The following HENMT1 variants were observed in gnomAD, a reference collection of about 807,000 sequenced individuals.
The protein encoded by HENMT1 is small RNA 2'-O-methyltransferase.
Under a neutral mutation model 31.1 loss-of-function variants are expected in HENMT1, and 27 were observed. The observed-to-expected ratio is 0.87, with a 90% CI of 0.64 to 1.20. HENMT1 has a LOEUF of 1.20. Ranked by LOEUF, HENMT1 falls within the 50% of genes most tolerant of loss-of-function variation. HENMT1 has a pLI of 0.00. For synonymous variants in HENMT1, 167 were observed against 172.2 expected, an observed-to-expected ratio of 0.97 and a Z score of 0.24; for missense variants, 438 against 469.6, an observed-to-expected ratio of 0.93 and a Z score of 0.62.
intron 3 of HENMT1, among the ~76,000 whole-genome samples, chr1:108,657,153 G>A (rs1378353178): frequency 6.6e-6 from 1 of 152,062 alleles, no homozygotes; most frequent in Admixed American, 6.6e-5. Context: ...TCTTCCCCCA[G>A]GGCCCTGCAC....
chr1:108,656,377 G>A (rs1048666929), intron 3 of HENMT1, among the ~76,000 whole-genome samples: 4 of 152,110 alleles, frequency 2.6e-5, no homozygotes, highest in Admixed American at 6.5e-5. Context: ...CACCTTACCC[G>A]CATCTAATTC....
At chr1:108,649,097 T>G in intron 7 of HENMT1, 106 bp from the exon 8 acceptor site, 1 of 829,284 alleles carries the variant, frequency 1.2e-6, no homozygotes, top group Non-Finnish European at 1.8e-6. Flanking sequence ...AATGTACATA[T>G]TGAATATATG....
intron 4 of HENMT1, 63 bp downstream of exon 4, chr1:108,655,523 C>A: frequency 1.1e-6 from 1 of 951,680 alleles, no homozygotes. Context: ...AACACTTTCT[C>A]TAAACTCAAT....
chr1:108,659,792 G>C lies in HENMT1; in HGVS notation c.21+72C>G, dbSNP rs1480972728. ...GACCTAAATGTGATCAATTTTGTTT[G>C]CAATTATCTCACAATACATCCAGGT... On this transcript the variant is annotated intron_variant, in intron 2 of 7. Transcript: ENST00000651461. 5 of 974,946 alleles carry C rather than the reference G, an allele frequency of 5.1e-6. No individual in the cohort carries two copies. The African/African-American group carries it at 8.3e-5, about 16-fold the overall frequency. The allele number at this position is 974,946 out of a possible 1,614,324, so 60.4% of individuals were successfully genotyped here. A position where few individuals can be genotyped will look rare whatever the true frequency, so the allele number is the denominator to read the frequency against.
At chr1:108,658,278 C>T (rs1287381932) in intron 2 of HENMT1, among the ~76,000 whole-genome samples, 3 of 152,054 alleles carry the variant, frequency 2.0e-5, no homozygotes, top group African/African-American at 7.2e-5. Flanking sequence ...GATTACATTA[C>T]AGGCATGCGC....
chr1:108,658,913 A>G (rs1293096988), intron 2 of HENMT1, among the ~76,000 whole-genome samples: 1 of 152,230 alleles, frequency 6.6e-6, no homozygotes, highest in East Asian at 1.9e-4. Context: ...AGGGTATTTG[A>G]TATCTGATGT....
Position 108,648,733 on chromosome 1 carries a change from A to G in HENMT1, c.1015T>C (p.Phe339Leu). 6.2e-7 allele frequency: 1 copy of G among 1,614,130 alleles called. No individual in the cohort carries two copies. Among genetic ancestry groups the G allele is most frequent in the Non-Finnish European group, 8.5e-7 (1 of 1,180,022 alleles). ...SPTPFCVGDK[F>L]FVPLQRLLAY... ...AGGAGTCTCTGCAGAGGTACGAAAA[A>G]TTTATCTCCAACACAGAAGGGTGTG... Residue 339 changes from phenylalanine to leucine, a missense_variant, in exon 8 of 8, where the codon TTT becomes CTT. Phe to Leu is a conservative substitution (Grantham distance 22). Coordinates refer to ENST00000651461, the MANE Select transcript of HENMT1 (RefSeq NM_001102592.2).
At chr1:108,655,485 C>A in intron 4 of HENMT1, 101 bp downstream of exon 4, 1 of 638,630 alleles carries the variant, frequency 1.6e-6, no homozygotes, top group Non-Finnish European at 2.6e-6. Flanking sequence ...CCCTAATGGC[C>A]CCAATCTTTT....
chr1:108,655,310 A>C (rs1180771307), intron 4 of HENMT1, among the ~76,000 whole-genome samples: 1 of 152,234 alleles, frequency 6.6e-6, no homozygotes, highest in East Asian at 1.9e-4. Flanking sequence ...ATAAATTATC[A>C]TAGTGTCCAG....
At chr1:108,659,078 TAA>T (rs761291804) in intron 2 of HENMT1, among the ~76,000 whole-genome samples, 10 of 152,244 alleles carry the variant, frequency 6.6e-5, no homozygotes, top group Non-Finnish European at 1.0e-4. Context: ...TTTTTCACAT[TAA>T]GTCTTCAAAA....
chr1:108,657,641 A>C, intron 2 of HENMT1, 62 bp from the exon 3 acceptor site: 1 of 1,481,322 alleles, frequency 6.8e-7, no homozygotes, highest in Non-Finnish European at 9.2e-7. Context: ...AAATTAAATA[A>C]GGGGCAAAAA....
chr1:108,655,738 G>T, intron 3 of HENMT1, 40 bp from the exon 4 acceptor site: 2 of 1,416,070 alleles, frequency 1.4e-6, no homozygotes, highest in Non-Finnish European at 2.0e-6. Context: ...GACATTTATA[G>T]CAAGAGAAGT....
Position 108,648,813 on chromosome 1 carries a change from G to T in HENMT1, c.935C>A (p.Pro312Gln). The T allele has an allele frequency of 6.2e-7, 1 of 1,614,182 alleles. No individual in the cohort carries two copies. The highest frequency in any genetic ancestry group is 1.7e-5 in the Admixed American group (1 of 60,030). ...KDIGGSKAPV[P>Q]CFGPVFTEVE... ...CTCTGTGAAGACTGGTCCAAAGCATGGGACAGGGGCCTTTGAGCCACCAAT... is the reference window on the plus strand; with the variant it reads ...CTCTGTGAAGACTGGTCCAAAGCATTGGACAGGGGCCTTTGAGCCACCAAT... The change falls in exon 8 of 8, where the codon CCA (proline) becomes CAA (glutamine). Residue 312 changes from proline to glutamine, a missense_variant. Pro to Gln is a moderately conservative substitution (Grantham distance 76). Coordinates refer to ENST00000651461, the MANE Select transcript of HENMT1 (RefSeq NM_001102592.2).
At chr1:108,661,212 C>G (rs539089756), upstream of HENMT1, 2 of 153,594 alleles carry the variant, frequency 1.3e-5, no homozygotes, top group Middle Eastern at 6.8e-3. Flanking sequence ...CGGCCTTGGG[C>G]CCCGGGAGCC....
intron 7 of HENMT1, chr1:108,649,978 CCAG>C (rs1228545585): frequency 1.6e-6 from 1 of 618,938 alleles, no homozygotes; most frequent in Non-Finnish European, 3.0e-6. Flanking sequence ...TAAGACAACC[CCAG>C]CAGATCATTC....
chr1:108,655,601 T>G lies in HENMT1; in HGVS notation c.248A>C (p.Lys83Thr). 2 of 1,598,698 alleles carry G rather than the reference T, an allele frequency of 1.3e-6. No homozygotes were observed. Among genetic ancestry groups the G allele is most frequent in the South Asian group, 1.1e-5 (1 of 89,776 alleles). The change falls in exon 4 of 8, where the codon AAA becomes ACA. Residue 83 changes from lysine (K) to threonine (T), a missense_variant. Transcript: ENST00000651461. ...LLVGVDINED[K>T]LRWRGDSLAP... ...TAAGTATTACCCTCTCCATCGTAAT[T>G]TATCCTCATTAATATCTACTCCAAC...
intron 2 of HENMT1, among the ~76,000 whole-genome samples, chr1:108,659,013 TA>T (rs1655443527): frequency 6.6e-6 from 1 of 152,220 alleles, no homozygotes; most frequent in South Asian, 2.1e-4. Flanking sequence ...TTTAAACCAA[TA>T]TATCGAAAAT....
At chr1:108,652,541 G>A (rs576466783) in intron 5 of HENMT1, among the ~76,000 whole-genome samples, 8 of 152,204 alleles carry the variant, frequency 5.3e-5, no homozygotes, top group African/African-American at 1.7e-4. Flanking sequence ...TACCAAAACC[G>A]GGTCTGACAA....
chr1:108,660,051 TACTC>T, intron 1 of HENMT1, 89 bp from the exon 2 acceptor site: 2 of 542,632 alleles, frequency 3.7e-6, no homozygotes, highest in Non-Finnish European at 6.1e-6. Flanking sequence ...GCCTCTTTCT[TACTC>T]CTTACTACAG....
Sources: allele counts gnomAD v4.1 joint callset (sites outside exome capture counted in the v4.1 genomes callset), GRCh38; gene constraint gnomAD v4.1.1; transcripts MANE v1.5; gene names NCBI Gene and HGNC (gene_info 2026-07-23, HGNC 2026-07-21).